The following PDSS2 variants were observed in gnomAD, a reference collection of about 807,000 sequenced individuals.
PDSS2 encodes decaprenyl diphosphate synthase subunit 2.
Under a neutral mutation model 44.5 loss-of-function variants are expected in PDSS2, and 31 were observed. The ratio of observed to expected loss-of-function variants is 0.70; its 90% CI spans 0.52 to 0.94. The LOEUF (loss-of-function observed/expected upper bound fraction) is 0.94, where lower values mean the gene tolerates loss of function less well. Among genes scored for constraint, PDSS2 ranks in the 40% least tolerant of loss-of-function variants. The pLI is 0.00. For synonymous variants in PDSS2, 157 were observed against 180.3 expected, an observed-to-expected ratio of 0.87 and a Z score of 1.03; for missense variants, 452 against 482.2, an observed-to-expected ratio of 0.94 and a Z score of 0.59.
intron 4 of PDSS2, among the ~76,000 whole-genome samples, chr6:107,213,894 T>C (rs1231596383): frequency 6.6e-6 from 1 of 152,104 alleles, no homozygotes; most frequent in Non-Finnish European, 1.5e-5. Context: ...AATTTATAAA[T>C]AAATATATAC....
At chr6:107,238,742 T>C (rs1180828868) in intron 4 of PDSS2, among the ~76,000 whole-genome samples, 2 of 152,198 alleles carry the variant, frequency 1.3e-5, no homozygotes, top group African/African-American at 2.4e-5. Context: ...GCCATTCTTA[T>C]CATTTGGAGG....
chr6:107,387,733 A>T (rs2474910), intron 1 of PDSS2, among the ~76,000 whole-genome samples: 5,692 of 152,304 alleles, frequency 0.037, 353 homozygotes, highest in African/African-American at 0.13. Context: ...GACCATCCCT[A>T]GAGGCTTCAA....
intron 7 of PDSS2, among the ~76,000 whole-genome samples, chr6:107,172,128 TAAC>T (rs1285953469): frequency 6.6e-6 from 1 of 152,104 alleles, no homozygotes; most frequent in Admixed American, 6.6e-5. Context: ...TTAAAGATAT[TAAC>T]AAAGAGAGAA....
intron 3 of PDSS2, among the ~76,000 whole-genome samples, chr6:107,261,330 TAGTG>T (rs1285291568): frequency 2.0e-5 from 3 of 152,162 alleles, no homozygotes; most frequent in Admixed American, 1.3e-4. Flanking sequence ...GTCTTCACAA[TAGTG>T]AGTGAGGTCT....
chr6:107,323,565 C>T lies in PDSS2; in HGVS notation c.431+10633G>A, dbSNP rs948683056. ...TTGAGACAAGAACCCAGATCTCTGGCCCTTCATCTATGCCTTTATTATGAC... is the reference window on the plus strand; with the variant it reads ...TTGAGACAAGAACCCAGATCTCTGGTCCTTCATCTATGCCTTTATTATGAC... On this transcript the variant is annotated intron_variant, in intron 2 of 7. Transcript: ENST00000369037. 2.0e-4 allele frequency among the ~76,000 whole-genome samples: 30 copies of T among 152,230 alleles called. No homozygotes were observed. The South Asian group carries it at 3.1e-3, about 16-fold the overall frequency.
intron 1 of PDSS2, among the ~76,000 whole-genome samples, chr6:107,439,790 G>C (rs1270574412): frequency 6.6e-6 from 1 of 152,148 alleles, no homozygotes; most frequent in African/African-American, 2.4e-5. Flanking sequence ...AAGCAGGACT[G>C]GGGAGGAGCA....
At chr6:107,395,222 C>T (rs1167830753) in intron 1 of PDSS2, among the ~76,000 whole-genome samples, 1 of 151,868 alleles carries the variant, frequency 6.6e-6, no homozygotes, top group Admixed American at 6.6e-5. Context: ...AGATTTTTCT[C>T]TTTATCAGTT....
chr6:107,260,702 C>T (rs137871166), intron 3 of PDSS2, among the ~76,000 whole-genome samples: 2,105 of 142,014 alleles, frequency 0.015, 52 homozygotes, highest in African/African-American at 0.053. Flanking sequence ...CTGGCTCTGA[C>T]GCCCAGGCTG....
Position 107,378,732 on chromosome 6 carries a change from G to A in PDSS2, c.297-44400C>T, listed in dbSNP as rs546467480. ...ACCTGGGAGGCAGAGGTTGCAATGA[G>A]CCGATATCGCACCACCGCACTCCAG... On this transcript the variant is annotated intron_variant, in intron 1 of 7. Coordinates refer to ENST00000369037, the MANE Select transcript of PDSS2 (RefSeq NM_020381.4). Among the ~76,000 whole-genome samples, 3 of 152,310 alleles carry A rather than the reference G, an allele frequency of 2.0e-5. No homozygotes were observed. The South Asian group carries it at 6.2e-4, about 32-fold the overall frequency.
chr6:107,371,752 C>T (rs779477909), intron 1 of PDSS2, among the ~76,000 whole-genome samples: 1 of 152,148 alleles, frequency 6.6e-6, no homozygotes, highest in Non-Finnish European at 1.5e-5. Context: ...CCTTAGATGC[C>T]AGTTCCTTGA....
chr6:107,314,134 T>G (rs954930245), intron 2 of PDSS2, among the ~76,000 whole-genome samples: 2 of 152,118 alleles, frequency 1.3e-5, no homozygotes, highest in East Asian at 1.9e-4. Context: ...CAAAAGAAAA[T>G]AAAATAATAC....
chr6:107,377,208 C>T (rs1031620058), intron 1 of PDSS2, among the ~76,000 whole-genome samples: 2 of 150,780 alleles, frequency 1.3e-5, no homozygotes, highest in Admixed American at 6.6e-5. Context: ...AACAAACAAC[C>T]CCATCAAAAA....
intron 2 of PDSS2, among the ~76,000 whole-genome samples, chr6:107,329,411 T>C (rs1325802777): frequency 6.6e-6 from 1 of 152,156 alleles, no homozygotes; most frequent in Non-Finnish European, 1.5e-5. Flanking sequence ...ACCTTTCCTT[T>C]CCACCTCATC....
intron 4 of PDSS2, among the ~76,000 whole-genome samples, chr6:107,217,856 T>C (rs1056957684): frequency 1.3e-5 from 2 of 152,202 alleles, no homozygotes; most frequent in Non-Finnish European, 2.9e-5. Context: ...ACTTAGAATA[T>C]GTAACATTGC....
chr6:107,207,244 G>C (rs542948674), intron 6 of PDSS2, among the ~76,000 whole-genome samples: 1 of 151,944 alleles, frequency 6.6e-6, no homozygotes, highest in African/African-American at 2.4e-5. Flanking sequence ...CGCCTGCCTC[G>C]GCCTCCCAAA....
intron 1 of PDSS2, among the ~76,000 whole-genome samples, chr6:107,365,068 C>T (rs1361722245): frequency 6.6e-6 from 1 of 151,806 alleles, no homozygotes; most frequent in Non-Finnish European, 1.5e-5. Flanking sequence ...CATGAAGAAA[C>T]AAAGAGTGTA....
intron 7 of PDSS2, among the ~76,000 whole-genome samples, chr6:107,174,444 C>A (rs1771715347): frequency 6.6e-6 from 1 of 152,128 alleles, no homozygotes; most frequent in Admixed American, 6.5e-5. Context: ...TGGATGACCA[C>A]ATGTAGGAGA....
At chr6:107,162,494 C>CTAA (rs1771174025) in intron 7 of PDSS2, among the ~76,000 whole-genome samples, 1 of 58,606 alleles carries the variant, frequency 1.7e-5, no homozygotes. Flanking sequence ...GAGACCATCT[C>CTAA]AAAAAAAAAA....
intron 7 of PDSS2, among the ~76,000 whole-genome samples, chr6:107,192,090 T>C (rs977542230): frequency 2.0e-5 from 3 of 152,112 alleles, no homozygotes; most frequent in South Asian, 2.1e-4. Flanking sequence ...AGGCCAGAGA[T>C]GTCAGAAAAG....
Sources: gnomAD v4.1 joint callset for allele counts (sites outside exome capture counted in the v4.1 genomes callset) on GRCh38, gnomAD v4.1.1 for gene constraint, MANE v1.5 for transcripts, NCBI Gene and HGNC (gene_info 2026-07-23, HGNC 2026-07-21) for gene names.